The following AFF1 variants were observed in gnomAD, a reference collection of about 807,000 sequenced individuals.
The protein encoded by AFF1 is ALF transcription elongation factor 1.
AFF1 carries 48 observed loss-of-function variants against 121.7 expected under a neutral mutation model. That is an observed-to-expected ratio of 0.39 (90% CI 0.31 to 0.50). The LOEUF is 0.50. AFF1 is among the 20% of genes least tolerant of loss of function. The pLI, the probability that AFF1 is intolerant of heterozygous loss-of-function variation, is 0.76. For missense variants in AFF1, 1,523 were observed against 1,511.7 expected (o/e 1.01, Z -0.12); for synonymous variants, 613 against 563.0 (o/e 1.09, Z -1.26).
chr4:87,130,713 C>T (rs1015646782), intron 16 of AFF1, among the ~76,000 whole-genome samples: 9 of 152,174 alleles, frequency 5.9e-5, no homozygotes, highest in Non-Finnish European at 2.9e-5. Context: ...AAGAAATATG[C>T]GTCTGCATTA....
chr4:87,009,213 T>TTA (rs1726478512), intron 2 of AFF1, among the ~76,000 whole-genome samples: 1 of 152,256 alleles, frequency 6.6e-6, no homozygotes, highest in African/African-American at 2.4e-5. Flanking sequence ...AGTACTTTTA[T>TTA]TATCCACATT....
chr4:87,090,843 G>T (rs974126095), intron 6 of AFF1, among the ~76,000 whole-genome samples: 16 of 151,496 alleles, frequency 1.1e-4, no homozygotes, highest in Admixed American at 1.1e-3. Context: ...GCAAAACTTT[G>T]TCTCTCCAAA....
chr4:87,097,990 G>A (rs528922327), intron 8 of AFF1, among the ~76,000 whole-genome samples: 1 of 152,218 alleles, frequency 6.6e-6, no homozygotes, highest in Admixed American at 6.5e-5. Flanking sequence ...ATATTCTAAT[G>A]CATTTTGAAT....
chr4:87,012,786 T>A (rs1446495105), intron 2 of AFF1, among the ~76,000 whole-genome samples: 12 of 151,648 alleles, frequency 7.9e-5, no homozygotes, highest in Admixed American at 6.6e-4. Flanking sequence ...AAAGTAAAGA[T>A]TAACTTTAAA....
In AFF1 at chr4:87,139,477, C is replaced by T. The variant is rs112973508; in HGVS notation, c.*3776C>T. 6.6e-3 allele frequency: 1,540 copies of T among 231,966 alleles called. 24 individuals are homozygous for T. The highest frequency in any genetic ancestry group is 0.032 in the African/African-American group (1,445 of 45,352). The allele number at this position is 231,966 out of a possible 1,614,324, so 14.4% of individuals were successfully genotyped here. On this transcript the variant is annotated 3_prime_UTR_variant, in exon 21 of 21. Coordinates refer to ENST00000395146, the MANE Select transcript of AFF1 (RefSeq NM_001166693.3). ...CCATTTCATCTGTTTACACTCTTTG[C>T]CACTGATTAGCAGTATTTAAATCTT... is the stretch of plus-strand genomic sequence containing the variant.
intron 2 of AFF1, among the ~76,000 whole-genome samples, chr4:86,982,388 CTTTTTTTTTTTTTT>C (rs70953632): frequency 8.5e-5 from 5 of 58,596 alleles, no homozygotes; most frequent in South Asian, 1.1e-3. Flanking sequence ...AAAAAATTGG[CTTTTTTTTTTTTTT>C]TTTTTTTTTT....
At chr4:87,030,242 A>G (rs1728938652) in intron 2 of AFF1, among the ~76,000 whole-genome samples, 1 of 152,198 alleles carries the variant, frequency 6.6e-6, no homozygotes, top group South Asian at 2.1e-4. Flanking sequence ...TAGGCTTTGC[A>G]GCCCACGCGG....
In AFF1 at chr4:87,047,369, T is replaced by C; in HGVS notation, c.834T>C (p.Ser278=). 6.2e-7 allele frequency: 1 copy of C among 1,614,108 alleles called. No homozygotes were observed. Residue 278 remains serine, a synonymous_variant, in exon 4 of 21, where the codon TCT becomes TCC. Coordinates refer to ENST00000395146, the MANE Select transcript of AFF1 (RefSeq NM_001166693.3). The part of the protein sequence containing the change: ...DSLVAPAQPP[S]QTFPPPSLPS... ...TGGTGGCCCCTGCCCAGCCGCCTTC[T>C]CAGACATTTCCACCTCCCTCCCTCC...
At chr4:87,043,125 G>A (rs1413656739) in intron 2 of AFF1, among the ~76,000 whole-genome samples, 3 of 152,192 alleles carry the variant, frequency 2.0e-5, no homozygotes, top group East Asian at 1.9e-4. Context: ...GACAAAGGTA[G>A]CATTTATTTA....
intron 2 of AFF1, among the ~76,000 whole-genome samples, chr4:86,993,411 A>G (rs1188702919): frequency 1.3e-5 from 2 of 152,276 alleles, no homozygotes; most frequent in South Asian, 4.1e-4. Flanking sequence ...AATATCTCCT[A>G]TCTTCCAGTT....
chr4:87,099,253 T>C (rs1235818636), intron 8 of AFF1, among the ~76,000 whole-genome samples: 1 of 152,212 alleles, frequency 6.6e-6, no homozygotes, highest in Non-Finnish European at 1.5e-5. Flanking sequence ...AACTTGACAT[T>C]GAAGTAATAT....
chr4:87,108,070 C>T (rs1726099292), intron 10 of AFF1, 89 bp from the exon 11 acceptor site: 1 of 1,480,502 alleles, frequency 6.8e-7, no homozygotes, highest in Non-Finnish European at 9.2e-7. Context: ...AAGGCCCGCC[C>T]TTTTGAGTAG....
chr4:87,124,998 T>G, intron 12 of AFF1, 39 bp from the exon 13 acceptor site: 1 of 1,491,832 alleles, frequency 6.7e-7, no homozygotes, highest in Non-Finnish European at 9.1e-7. Flanking sequence ...TGTACAATTA[T>G]GTTGGTAATA....
At position 87,004,303 on chromosome 4, in the gene AFF1, C is replaced by T. The variant is rs188926135; in HGVS notation, c.39-41863C>T. ...TAGCAAATGATATAGAATAAGTTTG[C>T]ACCTCAATTACTGTGAAACCCAAAG... On this transcript the variant is annotated intron_variant, in intron 2 of 20. Transcript: ENST00000395146. Among the ~76,000 whole-genome samples the T allele has an allele frequency of 2.6e-5, 4 of 152,274 alleles. No homozygotes were observed. The East Asian group carries it at 7.7e-4, about 29-fold the overall frequency.
At chr4:86,940,487 C>T (rs1256200482) in intron 1 of AFF1, among the ~76,000 whole-genome samples, 5 of 152,112 alleles carry the variant, frequency 3.3e-5, no homozygotes, top group South Asian at 2.1e-4. Flanking sequence ...CTGCAACCTT[C>T]GCCTCCCAGG....
At chr4:87,076,787 A>T (rs1722716481) in intron 4 of AFF1, among the ~76,000 whole-genome samples, 1 of 152,248 alleles carries the variant, frequency 6.6e-6, no homozygotes, top group Non-Finnish European at 1.5e-5. Context: ...ATAGGGCATG[A>T]TGCTTCTGAA....
At chr4:86,980,072 G>T (rs895689026) in intron 2 of AFF1, among the ~76,000 whole-genome samples, 1 of 152,174 alleles carries the variant, frequency 6.6e-6, no homozygotes, top group Middle Eastern at 3.4e-3. Flanking sequence ...CACCACACCC[G>T]GCTAATTCTT....
rs1026325928 is a variant in AFF1 at position 87,139,819 on chromosome 4, A to G, written c.*4118A>G. 4 of 224,432 alleles carry G rather than the reference A, an allele frequency of 1.8e-5. No homozygotes were observed. The highest frequency in any genetic ancestry group is 1.9e-4 in the South Asian group (1 of 5,382). 13.9% of individuals were successfully genotyped at this position (224,432 alleles called of 1,614,324 possible). The stretch of plus-strand genomic sequence containing the variant: ...CCACCATGTGAACCTCAAATATGCA[A>G]TCCAGTTGTGTTGGTTTCTCGGTGA... On this transcript the variant is annotated 3_prime_UTR_variant, in exon 21 of 21. Transcript: ENST00000395146.
At chr4:87,092,440 T>C (rs1340851508) in intron 7 of AFF1, among the ~76,000 whole-genome samples, 1 of 152,340 alleles carries the variant, frequency 6.6e-6, no homozygotes, top group East Asian at 1.9e-4. Context: ...TTGGAGTGTG[T>C]CATTCTTGTG....
Sources: allele counts gnomAD v4.1 joint callset (sites outside exome capture counted in the v4.1 genomes callset), GRCh38; gene constraint gnomAD v4.1.1; transcripts MANE v1.5; gene names NCBI Gene and HGNC (gene_info 2026-07-23, HGNC 2026-07-21).